The following DMRT1 variants were observed in gnomAD, a reference collection of about 807,000 sequenced individuals.
DMRT1 encodes doublesex- and mab-3-related transcription factor 1.
Under a neutral mutation model 32.3 loss-of-function variants are expected in DMRT1, and 7 were observed. The observed-to-expected ratio is 0.22, with a 90% CI of 0.12 to 0.41. DMRT1 has a LOEUF of 0.41. Ranked by LOEUF, DMRT1 falls within the 10% of genes least tolerant of loss-of-function variation. DMRT1 has a pLI of 1.00. For synonymous variants in DMRT1, 278 were observed against 206.1 expected (o/e 1.35, Z -2.99); for missense variants, 625 against 500.5 (o/e 1.25, Z -2.37).
chr9:960,673 G>A (rs1370986934), intron 4 of DMRT1, among the ~76,000 whole-genome samples: 1 of 152,220 alleles, frequency 6.6e-6, no homozygotes, highest in African/African-American at 2.4e-5. Context: ...TGGCTGAGGG[G>A]TACGAGCTGG....
chr9:939,104 C>T (rs1818978127), intron 4 of DMRT1, among the ~76,000 whole-genome samples: 1 of 152,248 alleles, frequency 6.6e-6, no homozygotes, highest in South Asian at 2.1e-4. Flanking sequence ...TATGCCTGTG[C>T]ATCCTTTTCC....
intron 2 of DMRT1, among the ~76,000 whole-genome samples, chr9:891,366 G>C (rs1161519818): frequency 1.3e-5 from 2 of 151,906 alleles, no homozygotes; most frequent in African/African-American, 4.8e-5. Context: ...TGGGAGGATC[G>C]CTTGAGCCCA....
chr9:902,278 C>T (rs1586592561), intron 3 of DMRT1, among the ~76,000 whole-genome samples: 1 of 149,708 alleles, frequency 6.7e-6, no homozygotes, highest in South Asian at 2.2e-4. Flanking sequence ...TGCTCTTATT[C>T]AGCAATGTAA....
chr9:842,334 A>C (rs1838725339), intron 1 of DMRT1, 142 bp downstream of exon 1: 1 of 1,106,460 alleles, frequency 9.0e-7, no homozygotes, highest in African/African-American at 1.6e-5. Flanking sequence ...TCCCGGGTTC[A>C]AGCAATTCTC....
At chr9:862,660 T>TG (rs1815771030) in intron 2 of DMRT1, among the ~76,000 whole-genome samples, 1 of 151,978 alleles carries the variant, frequency 6.6e-6, no homozygotes, top group Non-Finnish European at 1.5e-5. Context: ...CTGCTTAGGC[T>TG]GGGGTGGTGG....
At chr9:856,604 T>G (rs947122071) in intron 2 of DMRT1, among the ~76,000 whole-genome samples, 1 of 152,250 alleles carries the variant, frequency 6.6e-6, no homozygotes, top group Non-Finnish European at 1.5e-5. Flanking sequence ...TATTTCATCA[T>G]ATGGATATAT....
chr9:930,742 C>T (rs1463743562), intron 4 of DMRT1, among the ~76,000 whole-genome samples: 2 of 150,980 alleles, frequency 1.3e-5, no homozygotes, highest in East Asian at 3.9e-4. Flanking sequence ...CAGGTTCTTG[C>T]TATGTTGTCT....
rs145046995 is a variant in DMRT1, at chr9:886,902, C to T, written c.539-7010C>T. ...TAGGTATACTCTGCTTATGCTTATC[C>T]TCTGTCAGTCTGGGCAAGGAATCGG... On this transcript the variant is annotated intron_variant, in intron 2 of 4. Coordinates refer to ENST00000382276, the MANE Select transcript of DMRT1 (RefSeq NM_021951.3). Among the ~76,000 whole-genome samples the T allele has an allele frequency of 1.9e-4, 29 of 152,282 alleles. No individual in the cohort carries two copies. In the East Asian group the frequency reaches 5.2e-3, roughly 27 times the overall value.
chr9:916,864 C>G lies in DMRT1; in HGVS notation c.924C>G (p.Phe308Leu). 2 of 1,614,220 alleles carry G rather than the reference C, an allele frequency of 1.2e-6. No homozygotes were observed. The highest frequency in any genetic ancestry group is 2.7e-5 in the African/African-American group (2 of 75,058). ...SYLGQSVPQF[F>L]TFEDAPSYPE... ...TGGGCCAGAGCGTGCCCCAGTTCTT[C>G]ACTTTTGAGGATGCTCCCTCTTACC... is the stretch of plus-strand genomic sequence containing the variant. The change falls in exon 4 of 5, where the codon TTC becomes TTG. Residue 308 changes from phenylalanine to leucine, a missense_variant. Physicochemically the swap from Phe to Leu is conservative, Grantham distance 22. Around this residue, in one of 3 missense-constraint regions of DMRT1, gnomAD observed 416 missense variants for 321.6 expected, o/e 1.29. Coordinates refer to ENST00000382276, the MANE Select transcript of DMRT1 (RefSeq NM_021951.3).
chr9:856,883 C>G (rs959873395), intron 2 of DMRT1, among the ~76,000 whole-genome samples: 2 of 152,198 alleles, frequency 1.3e-5, no homozygotes, highest in Admixed American at 6.5e-5. Context: ...AAAATTGAAA[C>G]TAAGTTTTTT....
At chr9:963,750 T>C (rs1819848200) in intron 4 of DMRT1, among the ~76,000 whole-genome samples, 2 of 152,254 alleles carry the variant, frequency 1.3e-5, no homozygotes, top group Admixed American at 1.3e-4. Flanking sequence ...GGAAAAGAGT[T>C]CTATTGTGAA....
At chr9:891,223 G>C (rs893942993) in intron 2 of DMRT1, among the ~76,000 whole-genome samples, 1 of 149,618 alleles carries the variant, frequency 6.7e-6, no homozygotes, top group African/African-American at 2.4e-5. Context: ...TTAAAATTCA[G>C]ATTGCTTGAG....
chr9:916,058 A>G (rs960771531), intron 3 of DMRT1, among the ~76,000 whole-genome samples: 5 of 152,118 alleles, frequency 3.3e-5, no homozygotes, highest in African/African-American at 1.2e-4. Flanking sequence ...TACTCTCCTT[A>G]TATGAACACT....
rs150523200 is a variant in DMRT1 at position 908,330 on chromosome 9, C to T, written c.823-8433C>T. Among the ~76,000 whole-genome samples the T allele has an allele frequency of 1.2e-3, 178 of 152,164 alleles. 1 individual carries two copies. Among genetic ancestry groups the T allele is most frequent in the South Asian group, 4.6e-3 (22 of 4,804 alleles). ...AAATTTAGCTGGTCTTGGTGTTGTG[C>T]GCCTGTAGTTCTAGCTACTCAGGAG... On this transcript the variant is annotated intron_variant, in intron 3 of 4. Coordinates refer to ENST00000382276, the MANE Select transcript of DMRT1 (RefSeq NM_021951.3).
intron 2 of DMRT1, among the ~76,000 whole-genome samples, chr9:850,712 AG>A (rs2132551154): frequency 6.7e-6 from 1 of 148,244 alleles, no homozygotes; most frequent in East Asian, 2.0e-4. Context: ...GAGAATTTTT[AG>A]TGACCTAGAA....
intron 4 of DMRT1, among the ~76,000 whole-genome samples, chr9:939,320 A>G (rs1003898752): frequency 2.6e-5 from 4 of 152,164 alleles, no homozygotes; most frequent in African/African-American, 9.7e-5. Context: ...CCCAAATTGC[A>G]CCATATGCTG....
intron 3 of DMRT1, among the ~76,000 whole-genome samples, chr9:906,536 G>T (rs1817783884): frequency 6.6e-6 from 1 of 152,040 alleles, no homozygotes; most frequent in Non-Finnish European, 1.5e-5. Context: ...ATTGTTTCTG[G>T]GTCACTAGTT....
chr9:853,818 C>G (rs1184818091), intron 2 of DMRT1, among the ~76,000 whole-genome samples: 1 of 148,380 alleles, frequency 6.7e-6, no homozygotes, highest in Non-Finnish European at 1.5e-5. Context: ...TATTTAGAGA[C>G]AGGGTCTCAT....
intron 4 of DMRT1, among the ~76,000 whole-genome samples, chr9:930,435 G>A (rs997493217): frequency 2.7e-5 from 4 of 150,748 alleles, no homozygotes; most frequent in Non-Finnish European, 5.9e-5. Flanking sequence ...TTTTTGAGAC[G>A]GAGTTTCGCT....
Sources: allele counts gnomAD v4.1 joint callset (sites outside exome capture counted in the v4.1 genomes callset), GRCh38; gene constraint gnomAD v4.1.1; regional missense constraint gnomAD v4.1.1; transcripts MANE v1.5; gene names NCBI Gene and HGNC (gene_info 2026-07-23, HGNC 2026-07-21).